Variants in PARP12 observed in about 807,000 individuals in gnomAD.
PARP12 encodes protein mono-ADP-ribosyltransferase PARP12.
PARP12 carries 59 observed loss-of-function variants against 72.4 expected under a neutral mutation model. The ratio of observed to expected loss-of-function variants is 0.81; its 90% confidence interval spans 0.66 to 1.01. The LOEUF (loss-of-function observed/expected upper bound fraction) is 1.01, where lower values mean the gene tolerates loss of function less well. Among genes scored for constraint, PARP12 ranks in the 50% least tolerant of loss-of-function variants. The pLI is 0.00. For synonymous variants in PARP12, 403 were observed against 371.4 expected, an observed-to-expected ratio of 1.09 and a Z score of -0.98; for missense variants, 851 against 914.0, an observed-to-expected ratio of 0.93 and a Z score of 0.89.
chr7:140,056,804 C>T (rs1463709824), intron 3 of PARP12, 52 bp downstream of exon 3: 4 of 1,507,242 alleles, frequency 2.7e-6, no homozygotes, highest in Non-Finnish European at 3.6e-6. Flanking sequence ...GAACCCCCAG[C>T]CCAGGACCTC....
intron 8 of PARP12, among the ~76,000 whole-genome samples, chr7:140,032,255 G>A (rs1252851396): frequency 6.6e-6 from 1 of 152,060 alleles, no homozygotes; most frequent in East Asian, 1.9e-4. Context: ...GTCCTAGTGG[G>A]TGTGCATAAT....
At chr7:140,058,156 G>A in intron 1 of PARP12, 122 bp from the exon 2 acceptor site, 1 of 1,128,462 alleles carries the variant, frequency 8.9e-7, no homozygotes, top group Non-Finnish European at 1.3e-6. Context: ...CTCTAAAGAG[G>A]TAATTAAGTT....
At chr7:140,034,397 T>C in intron 7 of PARP12, 66 bp from the exon 8 acceptor site, 1 of 1,313,840 alleles carries the variant, frequency 7.6e-7, no homozygotes, top group Non-Finnish European at 1.1e-6. Context: ...GATGGCAATG[T>C]TTTATAAACA....
rs1289929834 is a variant in PARP12 at position 140,062,734 on chromosome 7, CGCGTCGGCGCTCAAGCCCATCCGCAA to C, written c.88_113del (p.Leu30AlafsTer75). 3 of 1,364,064 alleles carry C rather than the reference CGCGTCGGCGCTCAAGCCCATCCGCAA, an allele frequency of 2.2e-6. No individual in the cohort carries two copies. The highest frequency in any genetic ancestry group is 1.9e-6 in the Non-Finnish European group (2 of 1,051,870). The allele number at this position is 1,364,064 out of a possible 1,614,324, so 84.5% of individuals were successfully genotyped here. A position where few individuals can be genotyped will look rare whatever the true frequency, so the allele number is the denominator to read the frequency against. ...CACGCTGCCGCAGCAGCCGCTCCAG[CGCGTCGGCGCTCAAGCCCATCCGCAA>C]GCGGCGCCGCAGCTCGGGCAACTCC... On this transcript the variant is annotated frameshift_variant, in exon 1 of 12. Transcript: ENST00000263549. LOFTEE classifies it high-confidence loss of function.
intron 1 of PARP12, among the ~76,000 whole-genome samples, chr7:140,058,951 C>T (rs930356683): frequency 2.6e-5 from 4 of 151,726 alleles, no homozygotes; most frequent in South Asian, 2.1e-4. Context: ...CAAAATTAGC[C>T]GGGCGAGGTG....
intron 7 of PARP12, among the ~76,000 whole-genome samples, chr7:140,037,253 G>A (rs1456391075): frequency 6.6e-6 from 1 of 152,220 alleles, no homozygotes; most frequent in East Asian, 1.9e-4. Flanking sequence ...GAACCCGGGA[G>A]GCGGAGGTTG....
In PARP12 at chr7:140,028,545, G is replaced by A. The variant is rs910116650; in HGVS notation, c.1497+68C>T. The stretch of plus-strand genomic sequence containing the variant: ...TTCTTCAGTGTTGAGGAATGGCACA[G>A]TCTGTTCACACACACCCACTTCTAC... On this transcript the variant is annotated intron_variant, in intron 9 of 11. Coordinates refer to ENST00000263549, the MANE Select transcript of PARP12 (RefSeq NM_022750.4). 3.2e-5 allele frequency: 44 copies of A among 1,358,684 alleles called. No homozygotes were observed. The African/African-American group carries it at 6.5e-4, about 20-fold the overall frequency. 84.2% of individuals were successfully genotyped at this position (1,358,684 alleles called of 1,614,324 possible).
chr7:140,050,529 A>G (rs1816919736), intron 4 of PARP12, among the ~76,000 whole-genome samples: 1 of 152,198 alleles, frequency 6.6e-6, no homozygotes, highest in African/African-American at 2.4e-5. Flanking sequence ...GCCCCATGGA[A>G]ATCAACCAAC....
chr7:140,040,964 C>T (rs1816442717), intron 6 of PARP12, among the ~76,000 whole-genome samples: 1 of 152,156 alleles, frequency 6.6e-6, no homozygotes, highest in South Asian at 2.1e-4. Context: ...GATGGGGTTT[C>T]ACCATGTTGG....
At chr7:140,025,970 C>T (rs931381963) in intron 11 of PARP12, among the ~76,000 whole-genome samples, 1 of 152,258 alleles carries the variant, frequency 6.6e-6, no homozygotes, top group African/African-American at 2.4e-5. Context: ...GGAAGCAACA[C>T]CCCAGCCTAG....
intron 8 of PARP12, among the ~76,000 whole-genome samples, chr7:140,031,757 A>T (rs1417608422): frequency 6.6e-6 from 1 of 152,236 alleles, no homozygotes; most frequent in African/African-American, 2.4e-5. Context: ...CTACTCTCAG[A>T]AAGCAGAGAG....
intron 7 of PARP12, among the ~76,000 whole-genome samples, chr7:140,036,123 T>A (rs754722703): frequency 7.9e-5 from 12 of 152,080 alleles, no homozygotes; most frequent in Non-Finnish European, 1.6e-4. Context: ...CTTCGGTCAG[T>A]CTGCAGGAAT....
intron 5 of PARP12, 81 bp downstream of exon 5, chr7:140,046,803 T>C (rs1816748245): frequency 1.1e-6 from 1 of 887,334 alleles, no homozygotes; most frequent in Non-Finnish European, 1.6e-6. Context: ...GCTCACAGTG[T>C]GTGTGTGTGT....
At chr7:140,032,707 G>C (rs1216622678) in intron 8 of PARP12, among the ~76,000 whole-genome samples, 1 of 152,088 alleles carries the variant, frequency 6.6e-6, no homozygotes, top group Admixed American at 6.5e-5. Flanking sequence ...AACAAAAAAG[G>C]GTATAGAACA....
intron 8 of PARP12, among the ~76,000 whole-genome samples, chr7:140,030,579 C>T (rs1194995313): frequency 6.6e-6 from 1 of 152,126 alleles, no homozygotes; most frequent in Non-Finnish European, 1.5e-5. Flanking sequence ...GCCTGGGCGA[C>T]AGTGCGACTC....
rs181484296 is a variant in PARP12, at chr7:140,025,793, A to C, written c.1780+404T>G. ...AGACAAGAAAACACTCAGATAACTC[A>C]CGTGATAGCTAGAATACATGTTTAC... On this transcript the variant is annotated intron_variant, in intron 11 of 11. Transcript: ENST00000263549. Among the ~76,000 whole-genome samples the C allele has an allele frequency of 1.5e-3, 235 of 152,374 alleles. 2 individuals carry two copies. Among genetic ancestry groups the C allele is most frequent in the African/African-American group, 5.5e-3 (229 of 41,586 alleles).
chr7:140,047,057 C>A lies in PARP12; in HGVS notation c.863-50G>T, dbSNP rs1359700510. 5.1e-6 allele frequency: 8 copies of A among 1,556,348 alleles called. No individual in the cohort carries two copies. The South Asian group carries it at 9.9e-5, about 19-fold the overall frequency. On this transcript the variant is annotated intron_variant, in intron 4 of 11. Transcript: ENST00000263549. ...AGATAGCTGGGCAATACACAGCATGCCCTAGCCTTGTGGTTGTCAACAGGT... is the reference window on the plus strand; with the variant it reads ...AGATAGCTGGGCAATACACAGCATGACCTAGCCTTGTGGTTGTCAACAGGT...
chr7:140,027,354 A>G lies in PARP12; in HGVS notation c.1550T>C (p.Phe517Ser). The G allele has an allele frequency of 6.2e-7, 1 of 1,614,102 alleles. No individual in the cohort carries two copies. Among genetic ancestry groups the G allele is most frequent in the Non-Finnish European group, 8.5e-7 (1 of 1,179,986 alleles). Reference sequence around the variant, plus strand: ...AAAGTAGAAAGGCAGCGTGCGGTTAAAGAGGTTCCAGACCTTCTGATACTC... The same window carrying G: ...AAAGTAGAAAGGCAGCGTGCGGTTAGAGAGGTTCCAGACCTTCTGATACTC... ...SEEYQKVWNL[F>S]NRTLPFYFVQ... Residue 517 changes from phenylalanine (F) to serine (S), a missense_variant, in exon 10 of 12, where the codon TTT (phenylalanine) becomes TCT (serine). Physicochemically the swap from Phe to Ser is radical, Grantham distance 155. Around this residue, in one of 3 missense-constraint regions of PARP12, gnomAD observed 347 missense variants for 396.1 expected, o/e 0.88. Coordinates refer to ENST00000263549, the MANE Select transcript of PARP12 (RefSeq NM_022750.4).
chr7:140,054,795 T>C, intron 3 of PARP12, 32 bp from the exon 4 acceptor site: 1 of 1,526,816 alleles, frequency 6.5e-7, no homozygotes, highest in Non-Finnish European at 9.1e-7. Context: ...ATATGTCAGC[T>C]TCTGATATGG....
Sources: allele counts gnomAD v4.1 joint callset (sites outside exome capture counted in the v4.1 genomes callset), GRCh38; gene constraint gnomAD v4.1.1; regional missense constraint gnomAD v4.1.1; transcripts MANE v1.5; gene names NCBI Gene and HGNC (gene_info 2026-07-23, HGNC 2026-07-21).